Variants in PXDNL observed in about 807,000 individuals in gnomAD.
PXDNL encodes probable oxidoreductase PXDNL.
A neutral mutation model predicts 150.8 loss-of-function variants in PXDNL; 145 were observed. The observed-to-expected ratio is 0.96, with a 90% confidence interval of 0.84 to 1.10. The LOEUF (loss-of-function observed/expected upper bound fraction) is 1.10, where lower values mean the gene tolerates loss of function less well. PXDNL is among the 50% of genes least tolerant of loss of function. PXDNL has a pLI of 0.00. For synonymous variants in PXDNL, 757 were observed against 725.7 expected (o/e 1.04, Z -0.69); for missense variants, 2,087 against 1,873.9 (o/e 1.11, Z -2.10).
intron 1 of PXDNL, among the ~76,000 whole-genome samples, chr8:51,736,541 A>C (rs756199305): frequency 4.6e-5 from 7 of 152,208 alleles, no homozygotes; most frequent in Non-Finnish European, 8.8e-5. Context: ...CTGTCAAACA[A>C]CTTTGGATCA....
intron 1 of PXDNL, among the ~76,000 whole-genome samples, chr8:51,717,237 AATACT>A (rs1202591763): frequency 6.6e-6 from 1 of 152,182 alleles, no homozygotes; most frequent in African/African-American, 2.4e-5. Context: ...GACATCTTAT[AATACT>A]ATAGTTTCCC....
Position 51,744,150 on chromosome 8 carries a change from AGG to A in PXDNL, c.164+65029_164+65030del, listed in dbSNP as rs2130960239. The stretch of plus-strand genomic sequence containing the variant: ...AGAAAGAGAAAGGAAGGAAGAAGGG[AGG>A]GAGGAAGGAAGGAAAGAAGGAAGGA... On this transcript the variant is annotated intron_variant, in intron 1 of 22. Coordinates refer to ENST00000356297, the MANE Select transcript of PXDNL (RefSeq NM_144651.5). 3.6e-5 allele frequency among the ~76,000 whole-genome samples: 5 copies of A among 139,708 alleles called. No homozygotes were observed. In the South Asian group the frequency reaches 1.3e-3, roughly 36 times the overall value. 91.7% of individuals were successfully genotyped at this position (139,708 alleles called of 152,430 possible). A position where few individuals can be genotyped will look rare whatever the true frequency, so the allele number is the denominator to read the frequency against.
intron 2 of PXDNL, among the ~76,000 whole-genome samples, chr8:51,630,822 A>G (rs530599726): frequency 1.1e-4 from 16 of 151,960 alleles, no homozygotes; most frequent in Admixed American, 3.9e-4. Flanking sequence ...ATGCTTATAC[A>G]CTGCTGGTGA....
At chr8:51,478,965 T>C (rs1045749854) in intron 6 of PXDNL, among the ~76,000 whole-genome samples, 1 of 152,068 alleles carries the variant, frequency 6.6e-6, no homozygotes, top group African/African-American at 2.4e-5. Flanking sequence ...TTTGTCAAAA[T>C]AACAAACCAA....
intron 6 of PXDNL, among the ~76,000 whole-genome samples, chr8:51,482,010 A>G (rs1453126852): frequency 1.3e-5 from 2 of 152,176 alleles, no homozygotes; most frequent in Non-Finnish European, 2.9e-5. Flanking sequence ...GAGCTGTGAG[A>G]AGAAGGCCAA....
At chr8:51,703,034 A>T (rs966499791) in intron 1 of PXDNL, among the ~76,000 whole-genome samples, 1 of 152,136 alleles carries the variant, frequency 6.6e-6, no homozygotes, top group Admixed American at 6.6e-5. Flanking sequence ...CTTTTTCTAC[A>T]CTTTACATTC....
intron 5 of PXDNL, among the ~76,000 whole-genome samples, chr8:51,488,418 G>T (rs540015723): frequency 1.6e-4 from 24 of 152,226 alleles, no homozygotes; most frequent in Admixed American, 5.2e-4. Flanking sequence ...CCTGGATGGA[G>T]AAACACAATA....
At chr8:51,332,644 A>G (rs1805724144) in intron 21 of PXDNL, among the ~76,000 whole-genome samples, 2 of 152,150 alleles carry the variant, frequency 1.3e-5, no homozygotes, top group Non-Finnish European at 2.9e-5. Flanking sequence ...GAAAAAAACA[A>G]TAAAAAATTC....
At chr8:51,602,181 T>A (rs1813738737) in intron 2 of PXDNL, among the ~76,000 whole-genome samples, 1 of 151,930 alleles carries the variant, frequency 6.6e-6, no homozygotes, top group Non-Finnish European at 1.5e-5. Flanking sequence ...TTGTGTAGTA[T>A]CTCACAGGTG....
intron 5 of PXDNL, among the ~76,000 whole-genome samples, chr8:51,497,286 G>A (rs982434806): frequency 6.6e-6 from 1 of 152,128 alleles, no homozygotes; most frequent in East Asian, 1.9e-4. Flanking sequence ...AAATTCACTC[G>A]AGATGGATTA....
intron 1 of PXDNL, among the ~76,000 whole-genome samples, chr8:51,784,431 A>G (rs1037720132): frequency 6.6e-6 from 1 of 152,228 alleles, no homozygotes; most frequent in African/African-American, 2.4e-5. Context: ...TGAACTTTAT[A>G]TGTTTCTTTC....
intron 5 of PXDNL, among the ~76,000 whole-genome samples, chr8:51,496,509 A>C (rs1468919247): frequency 6.6e-6 from 1 of 152,192 alleles, no homozygotes; most frequent in Non-Finnish European, 1.5e-5. Flanking sequence ...TGCAGATGAC[A>C]TGATTGTATA....
chr8:51,552,678 A>G (rs1812518614), intron 4 of PXDNL, among the ~76,000 whole-genome samples: 1 of 152,150 alleles, frequency 6.6e-6, no homozygotes, highest in East Asian at 1.9e-4. Context: ...TATTCGGAGT[A>G]AGGATGGAAG....
Position 51,453,789 on chromosome 8 carries a change from A to G in PXDNL, c.983-4T>C, listed in dbSNP as rs150179461. 243 of 1,613,516 alleles carry G rather than the reference A, an allele frequency of 1.5e-4. No homozygotes were observed. The African/African-American group carries it at 2.7e-3, about 18-fold the overall frequency. On this transcript the variant is annotated splice_region_variant and splice_polypyrimidine_tract_variant and intron_variant, in intron 9 of 22. Transcript: ENST00000356297. Reference sequence around the variant, plus strand: ...TGGATTACAAAGCTTGGTTTGGCTGATGGTAAAGGGGGAACAAAACGAAAT... The same window carrying G: ...TGGATTACAAAGCTTGGTTTGGCTGGTGGTAAAGGGGGAACAAAACGAAAT...
intron 1 of PXDNL, among the ~76,000 whole-genome samples, chr8:51,693,888 T>C (rs1449449874): frequency 6.6e-6 from 1 of 152,248 alleles, no homozygotes; most frequent in Admixed American, 6.5e-5. Flanking sequence ...TTGATAGGTA[T>C]GTGATCAAAG....
intron 2 of PXDNL, among the ~76,000 whole-genome samples, chr8:51,621,943 C>CAAAAA (rs71237221): frequency 1.6e-5 from 2 of 128,200 alleles, no homozygotes; most frequent in Non-Finnish European, 1.7e-5. Flanking sequence ...GACCCTGTCT[C>CAAAAA]AAAAAAAAAA....
intron 1 of PXDNL, among the ~76,000 whole-genome samples, chr8:51,770,034 G>A (rs369671357): frequency 2.0e-5 from 3 of 152,198 alleles, no homozygotes; most frequent in South Asian, 4.2e-4. Context: ...GAGCTATGAC[G>A]CTTGACTACA....
At chr8:51,774,405 C>T (rs908586251) in intron 1 of PXDNL, among the ~76,000 whole-genome samples, 6 of 152,132 alleles carry the variant, frequency 3.9e-5, no homozygotes, top group African/African-American at 1.4e-4. Flanking sequence ...CTCAGTGTTA[C>T]TTTTTCTAAA....
chr8:51,767,821 G>A (rs2037248324), intron 1 of PXDNL, among the ~76,000 whole-genome samples: 1 of 152,182 alleles, frequency 6.6e-6, no homozygotes, highest in Admixed American at 6.5e-5. Context: ...GGGCAACTTT[G>A]ATATATTAAA....
Sources: allele counts gnomAD v4.1 joint callset (sites outside exome capture counted in the v4.1 genomes callset), GRCh38; gene constraint gnomAD v4.1.1; transcripts MANE v1.5; gene names NCBI Gene and HGNC (gene_info 2026-07-23, HGNC 2026-07-21).